The following PTBP2 variants were observed in gnomAD, a reference collection of about 807,000 sequenced individuals.
The protein encoded by PTBP2 is polypyrimidine tract binding protein 2.
A neutral mutation model predicts 61.4 loss-of-function variants in PTBP2; 13 were observed. That is an observed-to-expected ratio of 0.21 (90% CI 0.14 to 0.34). The LOEUF (loss-of-function observed/expected upper bound fraction) is 0.34. PTBP2 is among the 10% of genes least tolerant of loss of function. The pLI is 1.00. For missense variants in PTBP2, 405 were observed against 642.6 expected (o/e 0.63, Z 4.00); for synonymous variants, 215 against 218.5 (o/e 0.98, Z 0.14).
At chr1:96,729,621 G>A (rs1241468699) in intron 2 of PTBP2, among the ~76,000 whole-genome samples, 1 of 151,622 alleles carries the variant, frequency 6.6e-6, no homozygotes, top group African/African-American at 2.4e-5. Context: ...GGGCTATTCA[G>A]TTTGTTTAGT....
At chr1:96,798,328 C>T (rs1032838834) in intron 8 of PTBP2, among the ~76,000 whole-genome samples, 27 of 152,156 alleles carry the variant, frequency 1.8e-4, no homozygotes, top group Admixed American at 1.0e-3. Flanking sequence ...ATTGCTTGAA[C>T]CCAGGAGGTG....
At chr1:96,787,343 G>A (rs938217755) in intron 8 of PTBP2, among the ~76,000 whole-genome samples, 9 of 152,264 alleles carry the variant, frequency 5.9e-5, no homozygotes, top group Non-Finnish European at 1.2e-4. Context: ...TTTTTTGAGC[G>A]TTGTACATTT....
chr1:96,764,312 G>A (rs1570852895), intron 3 of PTBP2, among the ~76,000 whole-genome samples: 1 of 152,144 alleles, frequency 6.6e-6, no homozygotes, highest in South Asian at 2.1e-4. Context: ...AGATATAAAA[G>A]TGAAATATTT....
At position 96,769,865 on chromosome 1, in the gene PTBP2, G is replaced by A. The variant is rs779116460; in HGVS notation, c.278G>A (p.Gly93Glu). 1 of 1,582,192 alleles carries A rather than the reference G, an allele frequency of 6.3e-7. No homozygotes were observed. The highest frequency in any genetic ancestry group is 1.2e-5 in the South Asian group (1 of 85,188). The change falls in exon 4 of 14, where the codon GGA (glycine) becomes GAA (glutamate). Residue 93 changes from glycine to glutamate, a missense_variant. Coordinates refer to ENST00000674951, the MANE Select transcript of PTBP2 (RefSeq NM_021190.4). ...GTGACCAACATCCTTATGCTGAAAG[G>A]AAAAAATCAGGTACACTTCTTTCAG... ...GKVTNILMLK[G>E]KNQAFLELAT...
At position 96,813,055 on chromosome 1, in the gene PTBP2, G is replaced by T. The variant is rs750961122; in HGVS notation, c.1415G>T (p.Arg472Leu). 6.2e-7 allele frequency: 1 copy of T among 1,613,154 alleles called. No homozygotes were observed. Among genetic ancestry groups the T allele is most frequent in the Non-Finnish European group, 8.5e-7 (1 of 1,179,416 alleles). The part of the protein sequence containing the change: ...IPPSVAEEDL[R>L]TLFANTGGTV... ...CCATCAGTAGCAGAAGAGGATCTAC[G>T]AACACTGTTCGCTAACACTGGGGGC... is the stretch of plus-strand genomic sequence containing the variant. The change falls in exon 13 of 14, where the codon CGA becomes CTA. Residue 472 changes from arginine to leucine, a missense_variant. Coordinates refer to ENST00000674951, the MANE Select transcript of PTBP2 (RefSeq NM_021190.4).
intron 7 of PTBP2, among the ~76,000 whole-genome samples, chr1:96,784,708 T>C (rs776385986): frequency 3.9e-5 from 6 of 152,132 alleles, no homozygotes; most frequent in African/African-American, 1.4e-4. Flanking sequence ...ATTAACCTTA[T>C]TGAGCAGAGT....
intron 7 of PTBP2, among the ~76,000 whole-genome samples, chr1:96,784,569 C>T (rs1659024154): frequency 6.6e-6 from 1 of 151,932 alleles, no homozygotes; most frequent in African/African-American, 2.4e-5. Context: ...ATGGGAATTG[C>T]TATTATGTGT....
chr1:96,775,836 T>G (rs1657974773), intron 5 of PTBP2, among the ~76,000 whole-genome samples: 1 of 152,044 alleles, frequency 6.6e-6, no homozygotes, highest in Non-Finnish European at 1.5e-5. Context: ...GTTACTGATG[T>G]GAGAGAACAT....
intron 2 of PTBP2, among the ~76,000 whole-genome samples, chr1:96,738,642 T>G (rs771610889): frequency 3.9e-5 from 6 of 152,208 alleles, no homozygotes; most frequent in Admixed American, 1.3e-4. Context: ...TTGAGGATAA[T>G]AATTTCTAAC....
chr1:96,777,677 A>C lies in PTBP2; in HGVS notation c.525A>C (p.Pro175=), dbSNP rs762036104. Reference sequence around the variant, plus strand: ...CAGTTAGCGAGAGTGCAGTGACTCCAGCCCAGAGTCCAGTACTTAGAATAA... The same window carrying C: ...CAGTTAGCGAGAGTGCAGTGACTCCCGCCCAGAGTCCAGTACTTAGAATAA... The part of the protein sequence containing the change: ...GTTVSESAVT[P]AQSPVLRIII... The change falls in exon 6 of 14, where the codon CCA becomes CCC. Residue 175 remains proline (P), a synonymous_variant. Coordinates refer to ENST00000674951, the MANE Select transcript of PTBP2 (RefSeq NM_021190.4). 2 of 1,613,420 alleles carry C rather than the reference A, an allele frequency of 1.2e-6. No individual in the cohort carries two copies. The highest frequency in any genetic ancestry group is 1.1e-5 in the South Asian group (1 of 91,056).
Position 96,814,247 on chromosome 1 carries a change from TTAAA to T in PTBP2, c.*845_*848del. The T allele has an allele frequency of 6.6e-6, 1 of 152,560 alleles. No homozygotes were observed. Among genetic ancestry groups the T allele is most frequent in the Non-Finnish European group, 1.5e-5 (1 of 67,978 alleles). 9.5% of individuals were successfully genotyped at this position (152,560 alleles called of 1,614,324 possible). On this transcript the variant is annotated 3_prime_UTR_variant, in exon 14 of 14. Coordinates refer to ENST00000674951, the MANE Select transcript of PTBP2 (RefSeq NM_021190.4). ...TGAAGTTGACATGACTTACGTGCATTTAAATATATATTGCCATCCTTAGTTTGTA... is the reference window on the plus strand; with the variant it reads ...TGAAGTTGACATGACTTACGTGCATTTATATATTGCCATCCTTAGTTTGTA...
At chr1:96,745,500 GGT>G (rs1223392920) in intron 2 of PTBP2, among the ~76,000 whole-genome samples, 1 of 151,926 alleles carries the variant, frequency 6.6e-6, no homozygotes, top group African/African-American at 2.4e-5. Flanking sequence ...CCCTGCCATG[GGT>G]AGGTGGCTGC....
At chr1:96,778,975 T>G (rs1658348701) in intron 7 of PTBP2, among the ~76,000 whole-genome samples, 1 of 152,100 alleles carries the variant, frequency 6.6e-6, no homozygotes, top group South Asian at 2.1e-4. Flanking sequence ...CTACTCTATA[T>G]TGTCAACAAA....
At chr1:96,754,200 G>T (rs999076413) in intron 3 of PTBP2, among the ~76,000 whole-genome samples, 1 of 151,930 alleles carries the variant, frequency 6.6e-6, no homozygotes, top group Non-Finnish European at 1.5e-5. Flanking sequence ...ATTAAAGGGG[G>T]AAAAAAAGCG....
At chr1:96,807,076 G>A in intron 11 of PTBP2, 118 bp downstream of exon 11, 1 of 689,448 alleles carries the variant, frequency 1.5e-6, no homozygotes, top group Non-Finnish European at 2.3e-6. Flanking sequence ...TAATGGCCAG[G>A]GCTCAAAATG....
At chr1:96,815,314 G>T (rs1662436772), downstream of PTBP2, 1 of 151,432 alleles carries the variant, frequency 6.6e-6, no homozygotes, top group Non-Finnish European at 1.5e-5. Context: ...ACTAATCTTA[G>T]ACTACCTTGT....
At position 96,812,907 on chromosome 1, in the gene PTBP2, C is replaced by T; in HGVS notation, c.1367C>T (p.Thr456Ile). The stretch of plus-strand genomic sequence containing the variant: ...CAAAACATTTTTCCTCCTTCTGCCA[C>T]CCTTCACCTATCTAATATCCCGTAA... Reference protein sequence around the residue: ...NFQNIFPPSATLHLSNIPPSV... With the variant: ...NFQNIFPPSAILHLSNIPPSV... Residue 456 changes from threonine to isoleucine, a missense_variant, in exon 12 of 14, where the codon ACC becomes ATC. By Grantham distance (89) the Thr-to-Ile change is moderately conservative. This residue lies in a region of PTBP2 where 18 missense variants were observed against 69.6 expected (regional missense o/e 0.26). Coordinates refer to ENST00000674951, the MANE Select transcript of PTBP2 (RefSeq NM_021190.4). The T allele has an allele frequency of 6.2e-7, 1 of 1,612,892 alleles. No homozygotes were observed. The highest frequency in any genetic ancestry group is 8.5e-7 in the Non-Finnish European group (1 of 1,178,978).
At chr1:96,724,519 C>T (rs1410678750) in intron 2 of PTBP2, among the ~76,000 whole-genome samples, 1 of 152,064 alleles carries the variant, frequency 6.6e-6, no homozygotes, top group Non-Finnish European at 1.5e-5. Flanking sequence ...CCTGCCTTGA[C>T]CTCCCAAAGT....
chr1:96,765,038 T>C (rs763079142), intron 3 of PTBP2, among the ~76,000 whole-genome samples: 46 of 152,214 alleles, frequency 3.0e-4, no homozygotes, highest in Non-Finnish European at 5.6e-4. Context: ...ACCTACCTGC[T>C]TTTTTTCTCT....
Sources: allele counts gnomAD v4.1 joint callset (sites outside exome capture counted in the v4.1 genomes callset), GRCh38; gene constraint gnomAD v4.1.1; regional missense constraint gnomAD v4.1.1; transcripts MANE v1.5; gene names NCBI Gene and HGNC (gene_info 2026-07-23, HGNC 2026-07-21).